Variants in SRGAP3 observed in about 807,000 individuals in gnomAD.
SRGAP3 encodes the protein SLIT-ROBO Rho GTPase-activating protein 3.
SRGAP3 carries 39 observed loss-of-function variants against 121.1 expected under a neutral mutation model. The ratio of observed to expected loss-of-function variants is 0.32; its 90% CI spans 0.25 to 0.42. The LOEUF is 0.42. SRGAP3 is among the 10% of genes least tolerant of loss of function. The pLI is 1.00. For synonymous variants in SRGAP3, 601 were observed against 570.0 expected, an observed-to-expected ratio of 1.05 and a Z score of -0.77; for missense variants, 1,213 against 1,470.6, an observed-to-expected ratio of 0.82 and a Z score of 2.86.
chr3:9,060,501 A>T, intron 5 of SRGAP3, 142 bp from the exon 6 acceptor site: 4 of 1,147,026 alleles, frequency 3.5e-6, no homozygotes, highest in Admixed American at 2.4e-5. Flanking sequence ...ATCATAGCTC[A>T]CTTCAGCCTT....
chr3:9,251,528 C>G (rs1014300745), upstream of SRGAP3, among the ~76,000 whole-genome samples: 3 of 152,222 alleles, frequency 2.0e-5, no homozygotes, highest in Admixed American at 1.3e-4. Flanking sequence ...GTACGACAGA[C>G]TGGATCCTCT....
In SRGAP3 at chr3:9,038,475, C is replaced by T. The variant is rs182349394; in HGVS notation, c.1409-385G>A. Among the ~76,000 whole-genome samples, 5 of 152,294 alleles carry T rather than the reference C, an allele frequency of 3.3e-5. No homozygotes were observed. In the East Asian group the frequency reaches 9.7e-4, roughly 29 times the overall value. On this transcript the variant is annotated intron_variant, in intron 10 of 21. Coordinates refer to ENST00000383836, the MANE Select transcript of SRGAP3 (RefSeq NM_014850.4). The stretch of plus-strand genomic sequence containing the variant: ...AGAAATCTGCATTTTAACTACCACC[C>T]CTGGTGATCACTTCTATGCCTCCCA...
Position 9,227,023 on chromosome 3 carries a change from A to G in SRGAP3, c.67+21862T>C, listed in dbSNP as rs1413238729. The stretch of plus-strand genomic sequence containing the variant: ...ACCTGCCCACAGGAGCCAAGCAGGC[A>G]ACAGAAATGAGCAAAGTGGGCCAGG... On this transcript the variant is annotated intron_variant, in intron 1 of 21. Transcript: ENST00000383836. 2.0e-5 allele frequency among the ~76,000 whole-genome samples: 3 copies of G among 152,294 alleles called. No homozygotes were observed. The East Asian group carries it at 5.8e-4, about 29-fold the overall frequency.
At chr3:9,235,325 T>C (rs752050303) in intron 1 of SRGAP3, among the ~76,000 whole-genome samples, 32 of 152,084 alleles carry the variant, frequency 2.1e-4, no homozygotes, top group African/African-American at 7.7e-4. Flanking sequence ...ACAAATGTGA[T>C]TGATAGAGAC....
At chr3:9,288,574 CTT>C (rs1363697963) in intron 3 of SRGAP3, among the ~76,000 whole-genome samples, 11 of 146,532 alleles carry the variant, frequency 7.5e-5, no homozygotes, top group South Asian at 4.3e-4. Flanking sequence ...ATAAAATTCA[CTT>C]TGTCTTTTTT....
At chr3:9,235,105 G>A (rs771960569) in intron 1 of SRGAP3, among the ~76,000 whole-genome samples, 16 of 152,212 alleles carry the variant, frequency 1.1e-4, no homozygotes, top group Non-Finnish European at 2.1e-4. Flanking sequence ...GGCGCCACAA[G>A]AGAGTGGTGT....
At chr3:9,209,826 T>G (rs1394391022) in intron 1 of SRGAP3, among the ~76,000 whole-genome samples, 1 of 152,184 alleles carries the variant, frequency 6.6e-6, no homozygotes, top group Non-Finnish European at 1.5e-5. Context: ...TATGTACACA[T>G]AGAGATTTGC....
chr3:8,984,973 G>A lies in SRGAP3; in HGVS notation c.*546C>T, dbSNP rs376925246. 3.1e-4 allele frequency: 72 copies of A among 228,850 alleles called. No homozygotes were observed. Among genetic ancestry groups the A allele is most frequent in the African/African-American group, 1.5e-3 (67 of 45,094 alleles). The allele number at this position is 228,850 out of a possible 1,614,324, so 14.2% of individuals were successfully genotyped here. ...CCTGCAAATCCCACCAAATAACTCG[G>A]TGGGAGATGTTTGGTGGCATGGATC... On this transcript the variant is annotated 3_prime_UTR_variant, in exon 22 of 22. Coordinates refer to ENST00000383836, the MANE Select transcript of SRGAP3 (RefSeq NM_014850.4).
chr3:9,264,110 T>C (rs1954308832), intron 3 of SRGAP3, among the ~76,000 whole-genome samples: 1 of 152,046 alleles, frequency 6.6e-6, no homozygotes, highest in South Asian at 2.1e-4. Context: ...ACAGAACCAA[T>C]GACAAAAACC....
upstream of SRGAP3, among the ~76,000 whole-genome samples, chr3:9,250,186 G>T (rs2125250022): frequency 6.6e-6 from 1 of 152,280 alleles, no homozygotes; most frequent in East Asian, 1.9e-4. Context: ...CAGTTTCCTA[G>T]ATAGTAAAAT....
intron 1 of SRGAP3, among the ~76,000 whole-genome samples, chr3:9,341,525 GA>G (rs796735020): frequency 2.0e-4 from 31 of 152,320 alleles, no homozygotes; most frequent in African/African-American, 7.2e-4. Context: ...ATTCTGGGGG[GA>G]AAGTGTTGGG....
intron 1 of SRGAP3, among the ~76,000 whole-genome samples, chr3:9,203,595 G>C (rs1325394206): frequency 6.6e-6 from 1 of 152,072 alleles, no homozygotes; most frequent in Non-Finnish European, 1.5e-5. Context: ...CACCCTTACT[G>C]CAGCTGCTAC....
intron 12 of SRGAP3, among the ~76,000 whole-genome samples, chr3:9,028,562 G>A (rs1291531283): frequency 6.6e-6 from 1 of 152,152 alleles, no homozygotes; most frequent in East Asian, 1.9e-4. Flanking sequence ...AAAAAGGAGA[G>A]AAATACACCT....
intron 15 of SRGAP3, 107 bp from the exon 16 acceptor site, chr3:9,013,949 A>G: frequency 1.0e-6 from 1 of 981,840 alleles, no homozygotes; most frequent in Non-Finnish European, 1.6e-6. Context: ...TGGGGGAGCC[A>G]GCTCTACTCT....
intron 2 of SRGAP3, among the ~76,000 whole-genome samples, chr3:9,105,917 G>A (rs1317941841): frequency 1.3e-5 from 2 of 152,146 alleles, no homozygotes; most frequent in Admixed American, 6.5e-5. Flanking sequence ...ATTAGCCTAC[G>A]GATGGGCAAA....
chr3:9,056,908 G>A (rs906578700), intron 7 of SRGAP3, among the ~76,000 whole-genome samples: 1 of 152,042 alleles, frequency 6.6e-6, no homozygotes, highest in Non-Finnish European at 1.5e-5. Flanking sequence ...TTGAGACAGG[G>A]TCTCACTCTG....
At chr3:9,036,604 T>C in intron 11 of SRGAP3, 1 of 151,276 alleles carries the variant, frequency 6.6e-6, no homozygotes, top group Non-Finnish European at 1.5e-5. Context: ...ACACAAACCC[T>C]CAACTTTCCC....
intron 1 of SRGAP3, among the ~76,000 whole-genome samples, chr3:9,228,813 A>G (rs1002444616): frequency 1.3e-5 from 2 of 152,034 alleles, no homozygotes; most frequent in Non-Finnish European, 2.9e-5. Flanking sequence ...CTGTAATCCC[A>G]GCACTTTGGG....
In SRGAP3 at chr3:9,325,166, T is replaced by C. The variant is rs182146530; in HGVS notation, n.442+844A>G. ...GAGAGACTACTTGACGTTCTAGAGA[T>C]GGCTGCATGCAAACATTTAAAACCT... On this transcript the variant is annotated intron_variant and non_coding_transcript_variant, in intron 3 of 3. Transcript: ENST00000490889. Among the ~76,000 whole-genome samples the C allele has an allele frequency of 3.9e-5, 6 of 151,962 alleles. No homozygotes were observed. The East Asian group carries it at 1.2e-3, about 29-fold the overall frequency.
Sources: gnomAD v4.1 joint callset for allele counts (sites outside exome capture counted in the v4.1 genomes callset) on GRCh38, gnomAD v4.1.1 for gene constraint, MANE v1.5 for transcripts, NCBI Gene and HGNC (gene_info 2026-07-23, HGNC 2026-07-21) for gene names.